The following SGCD variants were observed in gnomAD, a reference collection of about 807,000 sequenced individuals.
The protein encoded by SGCD is sarcoglycan delta.
Under a neutral mutation model 36.6 loss-of-function variants are expected in SGCD, and 18 were observed. That is an observed-to-expected ratio of 0.49 (90% CI 0.34 to 0.73). The LOEUF is 0.73. Among genes scored for constraint, SGCD ranks in the 30% least tolerant of loss-of-function variants. The pLI is 0.01. For synonymous variants in SGCD, 133 were observed against 130.6 expected (o/e 1.02, Z -0.12); for missense variants, 387 against 346.7 (o/e 1.12, Z -0.92).
At chr5:156,273,964 A>G (rs1410203191) in intron 3 of SGCD, among the ~76,000 whole-genome samples, 1 of 152,154 alleles carries the variant, frequency 6.6e-6, no homozygotes, top group Non-Finnish European at 1.5e-5. Flanking sequence ...GTCTGGGCCA[A>G]TCATGTCACG....
chr5:156,166,640 A>G (rs1763223749), intron 3 of SGCD, among the ~76,000 whole-genome samples: 1 of 152,180 alleles, frequency 6.6e-6, no homozygotes, highest in East Asian at 1.9e-4. Flanking sequence ...ATTTTTGAGC[A>G]GAGCTTTGTC....
intron 4 of SGCD, among the ~76,000 whole-genome samples, chr5:156,547,441 C>CTTTTT (rs398065337): frequency 5.5e-5 from 8 of 145,186 alleles, no homozygotes; most frequent in African/African-American, 7.6e-5. Context: ...GATAATATGA[C>CTTTTT]TTTTTTTTTT....
intron 1 of SGCD, among the ~76,000 whole-genome samples, chr5:155,909,219 C>T (rs1756582388): frequency 6.6e-6 from 1 of 152,078 alleles, no homozygotes; most frequent in Non-Finnish European, 1.5e-5. Context: ...AAAAAGAAGT[C>T]TTAGTTTCAG....
chr5:155,825,728 G>GTTTTTT, the SGCD span, among the ~76,000 whole-genome samples: 1 of 147,010 alleles, frequency 6.8e-6, no homozygotes, highest in African/African-American at 2.5e-5. Flanking sequence ...TTTATTATTT[G>GTTTTTT]TTTTTTTTTT....
chr5:156,092,322 T>C (rs1761264780), intron 1 of SGCD, among the ~76,000 whole-genome samples: 1 of 152,238 alleles, frequency 6.6e-6, no homozygotes, highest in African/African-American at 2.4e-5. Flanking sequence ...TTACTTTTTG[T>C]TTGAAGATTT....
intron 3 of SGCD, among the ~76,000 whole-genome samples, chr5:156,218,011 T>C (rs909999193): frequency 3.9e-5 from 6 of 152,114 alleles, no homozygotes; most frequent in African/African-American, 1.2e-4. Flanking sequence ...GTGGTAGCCA[T>C]ACCTGTAATA....
chr5:156,745,111 A>T (rs1756882950), intron 7 of SGCD, among the ~76,000 whole-genome samples: 1 of 152,120 alleles, frequency 6.6e-6, no homozygotes, highest in African/African-American at 2.4e-5. Flanking sequence ...CTTGGGGTTC[A>T]CTGAGGTGGG....
At chr5:156,430,523 G>T (rs1773891102) in intron 3 of SGCD, among the ~76,000 whole-genome samples, 1 of 151,844 alleles carries the variant, frequency 6.6e-6, no homozygotes, top group Admixed American at 6.6e-5. Flanking sequence ...TCCATTGCTG[G>T]GGAGCTTGTG....
chr5:156,052,221 C>T (rs1009824112), intron 1 of SGCD, among the ~76,000 whole-genome samples: 10 of 146,050 alleles, frequency 6.8e-5, no homozygotes, highest in African/African-American at 1.2e-4. Context: ...CCTCAGTAGA[C>T]AGGCTGGTTG....
chr5:156,263,790 A>G (rs1038358472), intron 3 of SGCD, among the ~76,000 whole-genome samples: 45 of 152,290 alleles, frequency 3.0e-4, no homozygotes, highest in Non-Finnish European at 4.6e-4. Context: ...ATGAAGATCC[A>G]GCTTCATTCT....
At chr5:156,024,321 C>A (rs1048789569) in intron 1 of SGCD, among the ~76,000 whole-genome samples, 2 of 150,942 alleles carry the variant, frequency 1.3e-5, no homozygotes, top group African/African-American at 4.9e-5. Flanking sequence ...TGTATGACGT[C>A]CTCAAGATGC....
At position 156,594,915 on chromosome 5, in the gene SGCD, C is replaced by CTCTCTATA; in HGVS notation, c.383-11_383-4dup. 6.5e-7 allele frequency: 1 copy of CTCTCTATA among 1,540,422 alleles called. No homozygotes were observed. Among genetic ancestry groups the CTCTCTATA allele is most frequent in the Non-Finnish European group, 8.9e-7 (1 of 1,119,830 alleles). On this transcript the variant is annotated splice_polypyrimidine_tract_variant and intron_variant, in intron 5 of 8. Coordinates refer to ENST00000337851, the MANE Select transcript of SGCD (RefSeq NM_000337.6). ...TCCTCTCTCCTCTCTATCTCTCTAT[C>CTCTCTATA]TCTCTATATCTCTCAGGTCCAAAAG...
chr5:156,135,018 A>T (rs1473070943), intron 3 of SGCD, among the ~76,000 whole-genome samples: 1 of 152,128 alleles, frequency 6.6e-6, no homozygotes, highest in African/African-American at 2.4e-5. Flanking sequence ...CCCTCAATGA[A>T]ATTCAAGCTC....
At chr5:155,765,737 TAAAG>T in the SGCD span, among the ~76,000 whole-genome samples, 2 of 151,986 alleles carry the variant, frequency 1.3e-5, no homozygotes, top group Non-Finnish European at 2.9e-5. Flanking sequence ...ACAAAAACAA[TAAAG>T]AGATAGTTTT....
At chr5:156,690,781 A>G (rs1393330775) in intron 7 of SGCD, among the ~76,000 whole-genome samples, 1 of 152,192 alleles carries the variant, frequency 6.6e-6, no homozygotes, top group African/African-American at 2.4e-5. Flanking sequence ...AGAGATGCCA[A>G]GGAAAATGAA....
At chr5:156,385,798 A>G (rs1333687169) in intron 3 of SGCD, among the ~76,000 whole-genome samples, 1 of 152,194 alleles carries the variant, frequency 6.6e-6, no homozygotes, top group Admixed American at 6.5e-5. Context: ...TGCATTGTTA[A>G]ATATTACCGA....
At chr5:156,516,923 G>A (rs891571992) in intron 4 of SGCD, among the ~76,000 whole-genome samples, 4 of 152,064 alleles carry the variant, frequency 2.6e-5, no homozygotes, top group South Asian at 2.1e-4. Context: ...GCTTGAACCC[G>A]GAAGGTGGAG....
chr5:156,511,041 G>A (rs555699501), intron 4 of SGCD, among the ~76,000 whole-genome samples: 5 of 152,206 alleles, frequency 3.3e-5, no homozygotes, highest in Non-Finnish European at 5.9e-5. Context: ...CAATACTTAC[G>A]TTTATATTTA....
intron 1 of SGCD, among the ~76,000 whole-genome samples, chr5:155,940,503 T>G (rs115947837): frequency 0.012 from 1,852 of 152,300 alleles, 31 homozygotes; most frequent in African/African-American, 0.042. Flanking sequence ...TTGGGCTGAT[T>G]TGAAGATTAA....
Sources: allele counts gnomAD v4.1 joint callset (sites outside exome capture counted in the v4.1 genomes callset), GRCh38; gene constraint gnomAD v4.1.1; transcripts MANE v1.5; gene names NCBI Gene and HGNC (gene_info 2026-07-23, HGNC 2026-07-21).